CROCC: variants seen among roughly 807,000 people sequenced by gnomAD.
CROCC encodes rootletin.
CROCC carries 180 observed loss-of-function variants against 245.2 expected under a neutral mutation model. That is an observed-to-expected ratio of 0.73 (90% CI 0.65 to 0.83). CROCC has a LOEUF of 0.83. Among genes scored for constraint, CROCC ranks in the 40% least tolerant of loss-of-function variants. The probability of loss-of-function intolerance (pLI) is 0.00; values close to 1 mark genes in which losing one functional copy is unlikely to be tolerated. For synonymous variants in CROCC, 1,205 were observed against 1,241.6 expected (o/e 0.97, Z 0.62); for missense variants, 2,688 against 2,779.4 (o/e 0.97, Z 0.74).
At chr1:16,925,504 C>T (rs1430088673) in intron 3 of CROCC, among the ~76,000 whole-genome samples, 1 of 152,284 alleles carries the variant, frequency 6.6e-6, no homozygotes, top group Non-Finnish European at 1.5e-5. Context: ...TCTGAAGTTT[C>T]ATTTCCTGTG....
At chr1:16,934,184 C>G (rs1236901051) in intron 8 of CROCC, among the ~76,000 whole-genome samples, 1 of 152,254 alleles carries the variant, frequency 6.6e-6, no homozygotes, top group East Asian at 1.9e-4. Context: ...CTCATTTAGT[C>G]ACTCCTGTGT....
At chr1:16,947,846 G>GT (rs375896644) in intron 17 of CROCC, among the ~76,000 whole-genome samples, 57 of 151,924 alleles carry the variant, frequency 3.8e-4, no homozygotes, top group East Asian at 1.4e-3. Flanking sequence ...TTTTGTTGTT[G>GT]TTTTTTTTTC....
At chr1:16,941,592 C>T (rs1338068143) in intron 13 of CROCC, among the ~76,000 whole-genome samples, 2 of 152,168 alleles carry the variant, frequency 1.3e-5, no homozygotes, top group African/African-American at 2.4e-5. Context: ...ATTAGCTGGG[C>T]GTGGTGGCAG....
intron 11 of CROCC, 36 bp downstream of exon 11, chr1:16,938,519 C>A (rs1350602813): frequency 1.3e-6 from 2 of 1,505,456 alleles, no homozygotes; most frequent in Non-Finnish European, 9.0e-7. Context: ...CAGCGCCCTG[C>A]CAGGCAGTCC....
intron 27 of CROCC, 72 bp from the exon 28 acceptor site, chr1:16,965,651 G>C (rs1032658227): frequency 3.6e-6 from 4 of 1,102,456 alleles, no homozygotes; most frequent in African/African-American, 1.6e-5. Context: ...GAAAGGCAGG[G>C]ATGACAGTGA....
intron 8 of CROCC, among the ~76,000 whole-genome samples, chr1:16,934,308 A>ATTTTT (rs60973533): frequency 2.7e-5 from 4 of 150,296 alleles, no homozygotes; most frequent in East Asian, 1.9e-4. Flanking sequence ...CTGAAAATAC[A>ATTTTT]TTTTTTTTTT....
rs1465553512 is a variant in CROCC, at chr1:16,960,680, G to A, written c.4033-78G>A. ...CTGACCACACAGTCAGGGATGGTGG[G>A]CTCCAGTCTGGGCCTTAGGGGTGGG... On this transcript the variant is annotated intron_variant, in intron 26 of 36. Coordinates refer to ENST00000375541, the MANE Select transcript of CROCC (RefSeq NM_014675.5). 8 of 1,380,388 alleles carry A rather than the reference G, an allele frequency of 5.8e-6. No individual in the cohort carries two copies. The South Asian group carries it at 6.4e-5, about 11-fold the overall frequency. The allele number at this position is 1,380,388 out of a possible 1,614,324, so 85.5% of individuals were successfully genotyped here.
At chr1:16,971,798 AC>A in intron 36 of CROCC, 151 bp downstream of exon 36, 1 of 767,814 alleles carries the variant, frequency 1.3e-6, no homozygotes, top group Non-Finnish European at 2.0e-6. Flanking sequence ...GTCAGCCAAG[AC>A]CAGACCGGGG....
Position 16,960,874 on chromosome 1 carries a change from C to T in CROCC, c.4149C>T (p.His1383=), listed in dbSNP as rs921906064. The T allele has an allele frequency of 4.0e-6, 6 of 1,515,070 alleles. No individual in the cohort carries two copies. Among genetic ancestry groups the T allele is most frequent in the African/African-American group, 2.8e-5 (2 of 70,880 alleles). The allele number at this position is 1,515,070 out of a possible 1,614,324, so 93.9% of individuals were successfully genotyped here. A position where few individuals can be genotyped will look rare whatever the true frequency, so the allele number is the denominator to read the frequency against. ...ARGTEKQQLD[H]ARGLELKLEA... ...GCACTGAAAAGCAGCAGCTGGACCA[C>T]GCCCGCGGCCTGGAGCTGAAGCTGG... is the stretch of plus-strand genomic sequence containing the variant. The change falls in exon 27 of 37, where the codon CAC becomes CAT. Residue 1383 remains histidine, a synonymous_variant. Coordinates refer to ENST00000375541, the MANE Select transcript of CROCC (RefSeq NM_014675.5).
intron 14 of CROCC, 43 bp from the exon 15 acceptor site, chr1:16,945,419 C>G: frequency 6.2e-7 from 1 of 1,610,522 alleles, no homozygotes; most frequent in South Asian, 1.1e-5. Context: ...AGGTTCGGGG[C>G]AGGAAAGTGA....
chr1:16,948,635 T>G (rs2076103980), intron 18 of CROCC, 111 bp downstream of exon 18: 1 of 1,488,770 alleles, frequency 6.7e-7, no homozygotes, highest in African/African-American at 1.4e-5. Context: ...GGAGTCTGGC[T>G]TGCCGACTCG....
intron 13 of CROCC, among the ~76,000 whole-genome samples, chr1:16,943,366 A>G (rs2075972996): frequency 6.6e-6 from 1 of 151,908 alleles, no homozygotes; most frequent in Non-Finnish European, 1.5e-5. Flanking sequence ...TGAAACCCCC[A>G]TCTCTACTAA....
rs1464732370 is a variant in CROCC at position 16,946,854 on chromosome 1, C to T, written c.2377C>T (p.Leu793=). Residue 793 remains leucine (L), a synonymous_variant, in exon 17 of 37, where the codon CTG becomes TTG. Transcript: ENST00000375541. ...AREEQERLEE[L]RLEQEVARQG... ...GGAAGAGCAGGAACGGCTAGAGGAG[C>T]TGCGGTTGGAGCAGGAGGTGGCGCG... 6.4e-7 allele frequency: 1 copy of T among 1,555,428 alleles called. No individual in the cohort carries two copies. Among genetic ancestry groups the T allele is most frequent in the Non-Finnish European group, 8.7e-7 (1 of 1,149,410 alleles).
chr1:16,939,283 G>T (rs28648490), intron 12 of CROCC, 141 bp downstream of exon 12: 34,847 of 775,036 alleles, frequency 0.045, 239 homozygotes, highest in African/African-American at 0.12. Flanking sequence ...TGCAGCCAGA[G>T]CCCTGAGAAA....
chr1:16,925,088 C>G (rs1044172661), intron 3 of CROCC, among the ~76,000 whole-genome samples: 4 of 152,260 alleles, frequency 2.6e-5, no homozygotes, highest in Non-Finnish European at 5.9e-5. Flanking sequence ...TGAGCCGGTG[C>G]GAGGGGTGCG....
At chr1:16,957,125 T>C (rs1314149234) in intron 25 of CROCC, among the ~76,000 whole-genome samples, 1 of 152,030 alleles carries the variant, frequency 6.6e-6, no homozygotes, top group Non-Finnish European at 1.5e-5. Context: ...TACGAAAAAT[T>C]AGCCAGCTGT....
chr1:16,959,854 C>T (rs974954538), intron 26 of CROCC, among the ~76,000 whole-genome samples: 2 of 152,118 alleles, frequency 1.3e-5, no homozygotes, highest in African/African-American at 4.8e-5. Context: ...CAGCCCACAG[C>T]CCCCGTGTGG....
At chr1:16,931,759 T>A (rs2100372073) in intron 8 of CROCC, among the ~76,000 whole-genome samples, 1 of 151,252 alleles carries the variant, frequency 6.6e-6, no homozygotes, top group South Asian at 2.1e-4. Context: ...TTGAAGTTCC[T>A]GATTTTTTTT....
rs537809408 is a variant in CROCC at position 16,941,723 on chromosome 1, C to T, written c.1808+1630C>T. Among the ~76,000 whole-genome samples the T allele has an allele frequency of 9.4e-5, 14 of 149,552 alleles. No individual in the cohort carries two copies. In the East Asian group the frequency reaches 2.4e-3, roughly 25 times the overall value. On this transcript the variant is annotated intron_variant, in intron 13 of 36. Coordinates refer to ENST00000375541, the MANE Select transcript of CROCC (RefSeq NM_014675.5). ...CTCCAGCCTGAGCGACAGAGCAAGA[C>T]TCCGTCTCAAAAAAAAAAAAAAAAG...
Sources: allele counts gnomAD v4.1 joint callset (sites outside exome capture counted in the v4.1 genomes callset), GRCh38; gene constraint gnomAD v4.1.1; transcripts MANE v1.5; gene names NCBI Gene and HGNC (gene_info 2026-07-23, HGNC 2026-07-21).